Variants in TGFA observed in about 807,000 individuals in gnomAD.
The protein encoded by TGFA is transforming growth factor alpha.
In TGFA, 12 loss-of-function variants were observed where a neutral mutation model predicts 21.7. That is an observed-to-expected ratio of 0.55 (90% CI 0.35 to 0.90). The LOEUF is 0.90. TGFA is among the 40% of genes least tolerant of loss of function. The pLI, the probability that TGFA is intolerant of heterozygous loss-of-function variation, is 0.01. For synonymous variants in TGFA, 79 were observed against 88.1 expected, an observed-to-expected ratio of 0.90 and a Z score of 0.58; for missense variants, 178 against 210.8, an observed-to-expected ratio of 0.84 and a Z score of 0.96.
chr2:70,551,561 GA>G (rs1314679672), intron 1 of TGFA, among the ~76,000 whole-genome samples: 1 of 152,174 alleles, frequency 6.6e-6, no homozygotes, highest in East Asian at 1.9e-4. Context: ...AATCAGAGGG[GA>G]AAGCAGCTTT....
intron 3 of TGFA, among the ~76,000 whole-genome samples, chr2:70,459,369 C>A (rs3771519): frequency 6.6e-6 from 1 of 152,186 alleles, no homozygotes. Flanking sequence ...TGTGAGGTTG[C>A]GACTATTATT....
chr2:70,531,584 T>C (rs1183830629), intron 1 of TGFA, among the ~76,000 whole-genome samples: 1 of 152,192 alleles, frequency 6.6e-6, no homozygotes, highest in African/African-American at 2.4e-5. Flanking sequence ...ACCACCTCCA[T>C]ACAGAACCCA....
chr2:70,456,995 C>T (rs1284759085), intron 3 of TGFA, among the ~76,000 whole-genome samples: 6 of 152,172 alleles, frequency 3.9e-5, no homozygotes, highest in African/African-American at 1.2e-4. Context: ...GCATGACTAC[C>T]TGGTCATTGT....
At chr2:70,516,759 G>A (rs546919140) in intron 1 of TGFA, among the ~76,000 whole-genome samples, 2 of 152,302 alleles carry the variant, frequency 1.3e-5, no homozygotes, top group South Asian at 4.1e-4. Flanking sequence ...CGCTGGCACT[G>A]CCACAAACCA....
At chr2:70,512,038 A>G (rs1216517283) in intron 2 of TGFA, among the ~76,000 whole-genome samples, 1 of 140,874 alleles carries the variant, frequency 7.1e-6, no homozygotes, top group Non-Finnish European at 1.6e-5. Context: ...AGTGGGTGGG[A>G]TGGGGTGGGA....
chr2:70,535,966 G>GA (rs1488675855), intron 1 of TGFA, among the ~76,000 whole-genome samples: 5 of 152,192 alleles, frequency 3.3e-5, no homozygotes, highest in Non-Finnish European at 5.9e-5. Context: ...GCTTGTCCAG[G>GA]AAACTGGAGT....
At chr2:70,452,189 C>T (rs782350923) in intron 5 of TGFA, among the ~76,000 whole-genome samples, 16 of 152,246 alleles carry the variant, frequency 1.1e-4, no homozygotes, top group Non-Finnish European at 1.9e-4. Context: ...TGGGTGGATT[C>T]GCTTTAATGA....
At chr2:70,454,450 G>C (rs950933923) in intron 4 of TGFA, among the ~76,000 whole-genome samples, 12 of 152,242 alleles carry the variant, frequency 7.9e-5, no homozygotes, top group Non-Finnish European at 1.6e-4. Flanking sequence ...AGGCCCTTCT[G>C]AGTTGCAGAG....
intron 2 of TGFA, among the ~76,000 whole-genome samples, chr2:70,481,398 A>C (rs1671115904): frequency 6.6e-6 from 1 of 152,188 alleles, no homozygotes; most frequent in Admixed American, 6.5e-5. Flanking sequence ...ACACATTAAC[A>C]TCTGCCTCCC....
intron 4 of TGFA, among the ~76,000 whole-genome samples, chr2:70,455,150 T>G (rs368346838): frequency 3.9e-5 from 6 of 152,206 alleles, no homozygotes; most frequent in African/African-American, 1.2e-4. Flanking sequence ...GAATGGATAC[T>G]GCTTGGTGGG....
chr2:70,470,535 G>A (rs3771514), intron 2 of TGFA, among the ~76,000 whole-genome samples: 39,943 of 152,168 alleles, frequency 0.26, 5,525 homozygotes, highest in African/African-American at 0.33. Context: ...TTCATGTGCT[G>A]TGGTGGATGA....
At chr2:70,475,466 T>C (rs1670893350) in intron 2 of TGFA, among the ~76,000 whole-genome samples, 1 of 152,186 alleles carries the variant, frequency 6.6e-6, no homozygotes, top group South Asian at 2.1e-4. Flanking sequence ...GTTGGTTTCC[T>C]CTAAAGCTCT....
chr2:70,482,184 A>G (rs1394336397), intron 2 of TGFA, among the ~76,000 whole-genome samples: 1 of 152,132 alleles, frequency 6.6e-6, no homozygotes, highest in African/African-American at 2.4e-5. Flanking sequence ...ACAACAAAAC[A>G]CATTTACCAA....
intron 1 of TGFA, among the ~76,000 whole-genome samples, chr2:70,526,035 C>A (rs1444047898): frequency 1.3e-5 from 2 of 152,066 alleles, no homozygotes; most frequent in African/African-American, 2.4e-5. Context: ...GCAGATGTAC[C>A]CAAAACTCAG....
chr2:70,498,682 T>G (rs1196371055), intron 2 of TGFA, among the ~76,000 whole-genome samples: 1 of 152,066 alleles, frequency 6.6e-6, no homozygotes, highest in African/African-American at 2.4e-5. Context: ...TGAGATCATG[T>G]CATACATATA....
At chr2:70,524,437 G>A (rs963928477) in intron 1 of TGFA, among the ~76,000 whole-genome samples, 3 of 152,240 alleles carry the variant, frequency 2.0e-5, no homozygotes, top group Non-Finnish European at 4.4e-5. Context: ...GCCTGCTCAC[G>A]CACTGGCTGG....
At chr2:70,526,123 C>G (rs1244042603) in intron 1 of TGFA, among the ~76,000 whole-genome samples, 2 of 152,196 alleles carry the variant, frequency 1.3e-5, no homozygotes, top group African/African-American at 2.4e-5. Context: ...ACAGAAGGAC[C>G]ATGGTGATCC....
At chr2:70,512,256 C>T (rs1198489403) in intron 2 of TGFA, among the ~76,000 whole-genome samples, 5 of 152,128 alleles carry the variant, frequency 3.3e-5, no homozygotes, top group African/African-American at 9.7e-5. Flanking sequence ...GAGTAAATAA[C>T]TCTGGAAAGA....
intron 3 of TGFA, among the ~76,000 whole-genome samples, chr2:70,460,631 G>C (rs1356503511): frequency 1.3e-5 from 2 of 152,162 alleles, no homozygotes; most frequent in East Asian, 3.8e-4. Flanking sequence ...CACATTCTCA[G>C]CCTTTCAAGA....
Sources: allele counts gnomAD v4.1 joint callset (sites outside exome capture counted in the v4.1 genomes callset), GRCh38; gene constraint gnomAD v4.1.1; transcripts MANE v1.5; gene names NCBI Gene and HGNC (gene_info 2026-07-23, HGNC 2026-07-21).